Variants in RAB3B observed in about 807,000 individuals in gnomAD.
RAB3B encodes RAB3B, member RAS oncogene family, also known as ras-related protein Rab-3B.
A neutral mutation model predicts 20.5 loss-of-function variants in RAB3B; 11 were observed. The ratio of observed to expected loss-of-function variants is 0.54; its 90% CI spans 0.34 to 0.89. The LOEUF is 0.89. Ranked by LOEUF, RAB3B falls within the 40% of genes least tolerant of loss-of-function variation. The pLI, the probability that RAB3B is intolerant of heterozygous loss-of-function variation, is 0.02. For synonymous variants in RAB3B, 99 were observed against 106.3 expected (o/e 0.93, Z 0.42); for missense variants, 225 against 280.9 (o/e 0.80, Z 1.42).
intron 3 of RAB3B, among the ~76,000 whole-genome samples, 181 bp downstream of exon 3, chr1:51,937,113 C>T (rs1361948528): frequency 6.6e-6 from 1 of 152,192 alleles, no homozygotes; most frequent in African/African-American, 2.4e-5. Flanking sequence ...TGCACCCGGC[C>T]TATCACATGA....
At chr1:51,968,666 A>C (rs954849435) in intron 2 of RAB3B, among the ~76,000 whole-genome samples, 27 of 152,204 alleles carry the variant, frequency 1.8e-4, no homozygotes, top group African/African-American at 6.5e-4. Flanking sequence ...TACTGGCCCT[A>C]AGATACAGAT....
intron 2 of RAB3B, among the ~76,000 whole-genome samples, chr1:51,939,633 T>G (rs1048683573): frequency 4.6e-5 from 7 of 151,478 alleles, no homozygotes; most frequent in Admixed American, 2.6e-4. Context: ...CAGTCCTGAG[T>G]GCATGATCAC....
At chr1:51,962,891 C>T (rs780376944) in intron 2 of RAB3B, among the ~76,000 whole-genome samples, 1 of 152,116 alleles carries the variant, frequency 6.6e-6, no homozygotes, top group African/African-American at 2.4e-5. Flanking sequence ...GATGTTGTTG[C>T]TTCTCACCCC....
Position 51,909,824 on chromosome 1 carries a change from T to G in RAB3B, c.*10103A>C, listed in dbSNP as rs1374459379. 1 of 152,276 alleles carries G rather than the reference T, an allele frequency of 6.6e-6. No homozygotes were observed. Among genetic ancestry groups the G allele is most frequent in the Non-Finnish European group, 1.5e-5 (1 of 68,112 alleles). The allele number at this position is 152,276 out of a possible 1,614,324, so 9.4% of individuals were successfully genotyped here. ...GCTCATGGTGTTTACACTGGCTTTC[T>G]CCAGTCTCTGGTTCTCAGTCCCCTT... On this transcript the variant is annotated 3_prime_UTR_variant, in exon 5 of 5. Coordinates refer to ENST00000371655, the MANE Select transcript of RAB3B (RefSeq NM_002867.4).
At chr1:51,961,099 T>C (rs1684778402) in intron 2 of RAB3B, among the ~76,000 whole-genome samples, 1 of 152,156 alleles carries the variant, frequency 6.6e-6, no homozygotes, top group Non-Finnish European at 1.5e-5. Flanking sequence ...ACACCACAGC[T>C]GAAGTAATTA....
chr1:51,920,146 T>C, intron 4 of RAB3B, 32 bp from the exon 5 acceptor site: 2 of 1,563,174 alleles, frequency 1.3e-6, no homozygotes, highest in African/African-American at 1.3e-5. Flanking sequence ...ATAAGGACTT[T>C]TCCCATCCCT....
chr1:51,950,372 T>C (rs1684621543), intron 2 of RAB3B, among the ~76,000 whole-genome samples: 1 of 152,226 alleles, frequency 6.6e-6, no homozygotes, highest in South Asian at 2.1e-4. Context: ...CTGTCTCCTC[T>C]TTCAGGCTAT....
intron 1 of RAB3B, among the ~76,000 whole-genome samples, chr1:51,987,285 C>G (rs1360169869): frequency 1.3e-5 from 2 of 152,160 alleles, no homozygotes; most frequent in Non-Finnish European, 2.9e-5. Flanking sequence ...TTGCAAAGAA[C>G]ATGAGACTGA....
intron 2 of RAB3B, among the ~76,000 whole-genome samples, chr1:51,973,977 A>G (rs1308088276): frequency 1.3e-5 from 2 of 152,194 alleles, no homozygotes; most frequent in Non-Finnish European, 2.9e-5. Context: ...AGTAAGCTCT[A>G]ATAATTTCTT....
Position 51,919,828 on chromosome 1 carries a change from G to GT in RAB3B, c.*98dup. 1.4e-5 allele frequency: 18 copies of GT among 1,250,560 alleles called. No individual in the cohort carries two copies. Among genetic ancestry groups the GT allele is most frequent in the Non-Finnish European group, 2.0e-5 (18 of 903,580 alleles). The allele number at this position is 1,250,560 out of a possible 1,614,324, so 77.5% of individuals were successfully genotyped here. On this transcript the variant is annotated 3_prime_UTR_variant, in exon 5 of 5. Coordinates refer to ENST00000371655, the MANE Select transcript of RAB3B (RefSeq NM_002867.4). ...ATCTTGCTCTGAGTGTGGGCAGTGTGTAACAGGGAGAGTGGGCTGAGAGCG... is the reference window on the plus strand; with the variant it reads ...ATCTTGCTCTGAGTGTGGGCAGTGTGTTAACAGGGAGAGTGGGCTGAGAGCG...
chr1:51,980,323 G>C, intron 1 of RAB3B: 1 of 283,056 alleles, frequency 3.5e-6, no homozygotes, highest in Non-Finnish European at 6.7e-6. Flanking sequence ...AGCTGCTTGG[G>C]AGGCTGAAGC....
chr1:51,961,341 T>G (rs1340141691), intron 2 of RAB3B, among the ~76,000 whole-genome samples: 1 of 152,118 alleles, frequency 6.6e-6, no homozygotes, highest in African/African-American at 2.4e-5. Context: ...AGATAACACC[T>G]CCGTTTCTGA....
chr1:51,933,572 T>G (rs1684356897), intron 3 of RAB3B, 130 bp from the exon 4 acceptor site: 3 of 810,170 alleles, frequency 3.7e-6, no homozygotes, highest in African/African-American at 3.5e-5. Flanking sequence ...GTCTTCGGGA[T>G]GTAATTATGT....
chr1:51,955,896 G>A (rs986948091), intron 2 of RAB3B, among the ~76,000 whole-genome samples: 5 of 152,140 alleles, frequency 3.3e-5, no homozygotes, highest in Admixed American at 6.5e-5. Context: ...CATAGCAGAC[G>A]AGTCCCCTGA....
chr1:51,940,044 G>A (rs1024530814), intron 2 of RAB3B, among the ~76,000 whole-genome samples: 1 of 152,204 alleles, frequency 6.6e-6, no homozygotes, highest in African/African-American at 2.4e-5. Flanking sequence ...GGTTGCACCT[G>A]TTATCCACAA....
intron 2 of RAB3B, among the ~76,000 whole-genome samples, chr1:51,965,545 G>T (rs1429877277): frequency 6.6e-6 from 1 of 151,924 alleles, no homozygotes; most frequent in Non-Finnish European, 1.5e-5. Context: ...TACTCGGGAG[G>T]CTGAGGCAGG....
At chr1:51,959,476 C>G (rs1027640739) in intron 2 of RAB3B, among the ~76,000 whole-genome samples, 2 of 152,126 alleles carry the variant, frequency 1.3e-5, no homozygotes, top group Non-Finnish European at 2.9e-5. Flanking sequence ...CACACCACTG[C>G]ACTCCAGCCT....
At chr1:51,990,361 GACCCCCTCGGC>G (rs1396417609) in intron 1 of RAB3B, among the ~76,000 whole-genome samples, 180 bp downstream of exon 1, 1 of 143,584 alleles carries the variant, frequency 7.0e-6, no homozygotes, top group Non-Finnish European at 1.5e-5. Flanking sequence ...ACGTCTGGGA[GACCCCCTCGGC>G]GCCCCCTCCC....
At chr1:51,966,217 A>G (rs1684849727) in intron 2 of RAB3B, among the ~76,000 whole-genome samples, 1 of 152,212 alleles carries the variant, frequency 6.6e-6, no homozygotes, top group Admixed American at 6.5e-5. Flanking sequence ...ACCTGAAAAA[A>G]ATCAGACTCA....
Sources: gnomAD v4.1 joint callset for allele counts (sites outside exome capture counted in the v4.1 genomes callset) on GRCh38, gnomAD v4.1.1 for gene constraint, MANE v1.5 for transcripts, NCBI Gene and HGNC (gene_info 2026-07-23, HGNC 2026-07-21) for gene names.